Variants in HS6ST3 observed in about 807,000 individuals in gnomAD.
HS6ST3 encodes the protein heparan sulfate 6-O-sulfotransferase 3.
Under a neutral mutation model 36.7 loss-of-function variants are expected in HS6ST3, and 12 were observed. That is an observed-to-expected ratio of 0.33 (90% CI 0.21 to 0.53). HS6ST3 has a LOEUF of 0.53. Among genes scored for constraint, HS6ST3 ranks in the 20% least tolerant of loss-of-function variants. The probability of loss-of-function intolerance (pLI) is 0.95; values close to 1 mark genes in which losing one functional copy is unlikely to be tolerated. For missense variants in HS6ST3, 584 were observed against 640.9 expected (o/e 0.91, Z 0.96); for synonymous variants, 240 against 257.5 (o/e 0.93, Z 0.65).
intron 1 of HS6ST3, among the ~76,000 whole-genome samples, chr13:96,241,753 A>G (rs1381770357): frequency 1.3e-5 from 2 of 151,470 alleles, no homozygotes; most frequent in East Asian, 1.9e-4. Context: ...CTCAAAGATG[A>G]AAAGGAATGA....
intron 1 of HS6ST3, among the ~76,000 whole-genome samples, chr13:96,234,981 C>T (rs1336333435): frequency 6.6e-6 from 1 of 151,938 alleles, no homozygotes; most frequent in African/African-American, 2.4e-5. Context: ...CCTAGGGTTG[C>T]TCATACAGTA....
At chr13:96,682,303 T>C (rs1315644388) in intron 1 of HS6ST3, among the ~76,000 whole-genome samples, 1 of 152,182 alleles carries the variant, frequency 6.6e-6, no homozygotes, top group Non-Finnish European at 1.5e-5. Context: ...ATTTAAGGCA[T>C]ACAATCTCCA....
chr13:96,423,498 T>C (rs906018114), intron 1 of HS6ST3, among the ~76,000 whole-genome samples: 1 of 151,536 alleles, frequency 6.6e-6, no homozygotes, highest in African/African-American at 2.4e-5. Flanking sequence ...AGGGTGACTG[T>C]CTGATATGGG....
intron 1 of HS6ST3, among the ~76,000 whole-genome samples, chr13:96,808,394 A>T (rs1438420359): frequency 6.6e-6 from 1 of 152,146 alleles, no homozygotes. Flanking sequence ...GTCTCTCCAC[A>T]GTTCCCTTTA....
intron 1 of HS6ST3, among the ~76,000 whole-genome samples, chr13:96,526,936 G>A (rs1267782336): frequency 3.3e-5 from 5 of 152,038 alleles, no homozygotes; most frequent in Admixed American, 6.5e-5. Flanking sequence ...AGAAAGTATA[G>A]CATTGCAATA....
chr13:96,113,075 T>C (rs559046907), intron 1 of HS6ST3, among the ~76,000 whole-genome samples: 1 of 152,246 alleles, frequency 6.6e-6, no homozygotes, highest in South Asian at 2.1e-4. Flanking sequence ...TCATGGTGTG[T>C]GTGGTGTTCC....
chr13:96,735,117 G>T (rs1439384636), intron 1 of HS6ST3, among the ~76,000 whole-genome samples: 1 of 152,066 alleles, frequency 6.6e-6, no homozygotes, highest in Non-Finnish European at 1.5e-5. Context: ...GCTGAACAAT[G>T]CAGTAGACTG....
chr13:96,399,967 GT>G (rs955742488), intron 1 of HS6ST3, among the ~76,000 whole-genome samples: 6 of 151,330 alleles, frequency 4.0e-5, no homozygotes, highest in African/African-American at 7.3e-5. Context: ...AGAACCCAAA[GT>G]TTTTTTTTCA....
At chr13:96,210,111 C>A (rs1034036448) in intron 1 of HS6ST3, among the ~76,000 whole-genome samples, 1 of 152,036 alleles carries the variant, frequency 6.6e-6, no homozygotes, top group Admixed American at 6.5e-5. Context: ...ATATTTTTTC[C>A]CCCTATGTGT....
intron 1 of HS6ST3, among the ~76,000 whole-genome samples, chr13:96,463,575 A>T (rs1314281414): frequency 6.6e-6 from 1 of 152,210 alleles, no homozygotes; most frequent in Non-Finnish European, 1.5e-5. Flanking sequence ...AATACAAGAC[A>T]CAAAAGAGCA....
At chr13:96,831,387 TTGAAATC>T (rs1317150016) in intron 1 of HS6ST3, among the ~76,000 whole-genome samples, 1 of 152,138 alleles carries the variant, frequency 6.6e-6, no homozygotes, top group Non-Finnish European at 1.5e-5. Flanking sequence ...CATGGGAGCT[TTGAAATC>T]AAATAGGCCT....
At chr13:96,345,038 C>T (rs1217376665) in intron 1 of HS6ST3, among the ~76,000 whole-genome samples, 2 of 152,220 alleles carry the variant, frequency 1.3e-5, no homozygotes, top group Middle Eastern at 3.4e-3. Context: ...ATGGAAGAAG[C>T]ATTTGGGTTA....
Position 96,256,701 on chromosome 13 carries a change from G to A in HS6ST3, c.707+165132G>A, listed in dbSNP as rs182189573. Among the ~76,000 whole-genome samples, 15 of 152,290 alleles carry A rather than the reference G, an allele frequency of 9.8e-5. No homozygotes were observed. In the East Asian group the frequency reaches 1.5e-3, roughly 16 times the overall value. Reference sequence around the variant, plus strand: ...AGAGCTGAATTTTAGATGAAGAGTCGTAAGGCAAAGGTGGTAAATTTAGAG... The same window carrying A: ...AGAGCTGAATTTTAGATGAAGAGTCATAAGGCAAAGGTGGTAAATTTAGAG... On this transcript the variant is annotated intron_variant, in intron 1 of 1. Coordinates refer to ENST00000376705, the MANE Select transcript of HS6ST3 (RefSeq NM_153456.4).
chr13:96,641,744 T>A lies in HS6ST3; in HGVS notation c.708-190746T>A, dbSNP rs150876091. ...TATAACAAGGTAGTTTGGATTTATA[T>A]CAACATAGTTTCACTAGTATGCAAA... On this transcript the variant is annotated intron_variant, in intron 1 of 1. Transcript: ENST00000376705. Among the ~76,000 whole-genome samples the A allele has an allele frequency of 5.8e-4, 88 of 151,972 alleles. 1 individual carries two copies. Among genetic ancestry groups the A allele is most frequent in the South Asian group, 1.5e-3 (7 of 4,826 alleles).
chr13:96,735,744 A>G (rs948247479), intron 1 of HS6ST3, among the ~76,000 whole-genome samples: 3 of 152,340 alleles, frequency 2.0e-5, no homozygotes, highest in Non-Finnish European at 1.5e-5. Flanking sequence ...GACTAAATGT[A>G]TCTATCATGT....
chr13:96,333,904 T>A (rs1303595042), intron 1 of HS6ST3, among the ~76,000 whole-genome samples: 2 of 151,920 alleles, frequency 1.3e-5, no homozygotes, highest in African/African-American at 2.4e-5. Context: ...AGCTTATATA[T>A]AGCAAGTGGG....
At chr13:96,124,721 T>C (rs1319108844) in intron 1 of HS6ST3, among the ~76,000 whole-genome samples, 2 of 152,198 alleles carry the variant, frequency 1.3e-5, no homozygotes, top group Non-Finnish European at 2.9e-5. Context: ...AAGACCTGGT[T>C]TAACTAAGCA....
At chr13:96,561,920 G>GGCTGTGGAGAAGAGAGAA (rs1566397326) in intron 1 of HS6ST3, among the ~76,000 whole-genome samples, 1 of 152,128 alleles carries the variant, frequency 6.6e-6, no homozygotes, top group Non-Finnish European at 1.5e-5. Flanking sequence ...TGCTTACACA[G>GGCTGTGGAGAAGAGAGAA]TGTTGGTGGA....
chr13:96,652,148 C>T (rs1243456149), intron 1 of HS6ST3, among the ~76,000 whole-genome samples: 1 of 151,906 alleles, frequency 6.6e-6, no homozygotes, highest in Admixed American at 6.6e-5. Flanking sequence ...ATTGTTTCTA[C>T]TACATATCTG....
Sources: allele counts gnomAD v4.1 joint callset (sites outside exome capture counted in the v4.1 genomes callset), GRCh38; gene constraint gnomAD v4.1.1; transcripts MANE v1.5; gene names NCBI Gene and HGNC (gene_info 2026-07-23, HGNC 2026-07-21).